The following ZBTB7C variants were observed in gnomAD, a reference collection of about 807,000 sequenced individuals.
The protein encoded by ZBTB7C is zinc finger and BTB domain-containing protein 7C.
A neutral mutation model predicts 25.7 loss-of-function variants in ZBTB7C; 8 were observed. The ratio of observed to expected loss-of-function variants is 0.31; its 90% CI spans 0.18 to 0.56. The LOEUF is 0.56. Ranked by LOEUF, ZBTB7C falls within the 20% of genes least tolerant of loss-of-function variation. ZBTB7C has a pLI of 0.91. For synonymous variants in ZBTB7C, 394 were observed against 369.0 expected (o/e 1.07, Z -0.78); for missense variants, 824 against 855.2 (o/e 0.96, Z 0.46).
chr18:48,389,460 G>GTTTT (rs1216276257), intron 1 of ZBTB7C, among the ~76,000 whole-genome samples: 7 of 108,236 alleles, frequency 6.5e-5, no homozygotes, highest in Admixed American at 8.8e-5. Flanking sequence ...ATGACTCTTG[G>GTTTT]ATTTTTTTTT....
intron 1 of ZBTB7C, among the ~76,000 whole-genome samples, chr18:48,349,474 A>G (rs760240560): frequency 7.5e-5 from 11 of 147,052 alleles, no homozygotes; most frequent in Non-Finnish European, 1.0e-4. Context: ...CACATTGACA[A>G]ATGAATAAAG....
chr18:48,112,310 C>T (rs1433385289), intron 3 of ZBTB7C, among the ~76,000 whole-genome samples: 4 of 132,082 alleles, frequency 3.0e-5, no homozygotes, highest in Non-Finnish European at 4.7e-5. Context: ...CCCACCCATC[C>T]TTCCTTCTTT....
chr18:48,035,973 G>A (rs1454418660), intron 4 of ZBTB7C, among the ~76,000 whole-genome samples: 1 of 152,248 alleles, frequency 6.6e-6, no homozygotes, highest in Non-Finnish European at 1.5e-5. Flanking sequence ...GCCTTTCCCA[G>A]GAGGAAAACG....
At chr18:48,116,888 G>T (rs1043374187) in intron 3 of ZBTB7C, among the ~76,000 whole-genome samples, 13 of 152,156 alleles carry the variant, frequency 8.5e-5, no homozygotes, top group African/African-American at 3.1e-4. Context: ...ATGAGTATAG[G>T]TCTGCCCTGT....
At chr18:48,167,146 C>T (rs1333357483) in intron 3 of ZBTB7C, among the ~76,000 whole-genome samples, 3 of 152,208 alleles carry the variant, frequency 2.0e-5, no homozygotes, top group Non-Finnish European at 4.4e-5. Context: ...CAGACCCTTC[C>T]TCCACCCTTC....
intron 2 of ZBTB7C, among the ~76,000 whole-genome samples, chr18:48,275,599 T>A (rs1184113112): frequency 2.0e-5 from 3 of 149,052 alleles, no homozygotes; most frequent in Admixed American, 1.3e-4. Flanking sequence ...TCAGGTCTCC[T>A]GACCCTCAAT....
intron 3 of ZBTB7C, among the ~76,000 whole-genome samples, chr18:48,161,713 C>CGCCCCGCCCCA (rs1312895139): frequency 6.6e-6 from 1 of 150,806 alleles, no homozygotes; most frequent in East Asian, 2.0e-4. Flanking sequence ...CCGGCCCGGG[C>CGCCCCGCCCCA]GCCCCGCCCC....
chr18:48,175,861 C>T (rs1178302258), intron 3 of ZBTB7C, among the ~76,000 whole-genome samples: 2 of 152,160 alleles, frequency 1.3e-5, no homozygotes, highest in African/African-American at 4.8e-5. Flanking sequence ...TAAATAAAAA[C>T]ATTCTGTTGC....
At chr18:48,297,656 T>C (rs775296309) in intron 2 of ZBTB7C, among the ~76,000 whole-genome samples, 1 of 152,166 alleles carries the variant, frequency 6.6e-6, no homozygotes, top group Non-Finnish European at 1.5e-5. Flanking sequence ...CTGCAGAACG[T>C]CTTAAACCTC....
chr18:48,084,639 T>C (rs2144508693), intron 3 of ZBTB7C, among the ~76,000 whole-genome samples: 1 of 152,258 alleles, frequency 6.6e-6, no homozygotes, highest in Middle Eastern at 3.4e-3. Flanking sequence ...TGGCTGGTGT[T>C]TACACAGATT....
At chr18:48,106,630 C>T (rs1161331582) in intron 3 of ZBTB7C, among the ~76,000 whole-genome samples, 1 of 152,058 alleles carries the variant, frequency 6.6e-6, no homozygotes. Flanking sequence ...TGAGTATCTA[C>T]AAGTGTCAAA....
chr18:48,071,289 G>A (rs188510482), intron 3 of ZBTB7C, among the ~76,000 whole-genome samples: 1 of 152,252 alleles, frequency 6.6e-6, no homozygotes, highest in East Asian at 1.9e-4. Context: ...ATAATTTTGA[G>A]TAAAGAAGCA....
At chr18:48,276,545 G>A (rs2044660978) in intron 2 of ZBTB7C, among the ~76,000 whole-genome samples, 1 of 117,834 alleles carries the variant, frequency 8.5e-6, no homozygotes, top group Non-Finnish European at 1.7e-5. Context: ...GTGAGAATAT[G>A]CGGTGTTTGG....
At chr18:48,311,480 C>T (rs1168936169) in intron 2 of ZBTB7C, among the ~76,000 whole-genome samples, 8 of 152,166 alleles carry the variant, frequency 5.3e-5, no homozygotes, top group Non-Finnish European at 1.0e-4. Flanking sequence ...TTTTGGTTGT[C>T]AGTAACTCGG....
At chr18:48,101,105 G>A (rs925116833) in intron 3 of ZBTB7C, among the ~76,000 whole-genome samples, 1 of 152,110 alleles carries the variant, frequency 6.6e-6, no homozygotes, top group Non-Finnish European at 1.5e-5. Context: ...GCCCAGCCCA[G>A]TCCCTGGCCT....
intron 1 of ZBTB7C, among the ~76,000 whole-genome samples, chr18:48,361,178 G>A (rs955343349): frequency 6.6e-6 from 1 of 152,128 alleles, no homozygotes. Flanking sequence ...ACAAGGCTTG[G>A]TGTCCAGAGA....
At chr18:48,128,941 T>C (rs1439433117) in intron 3 of ZBTB7C, among the ~76,000 whole-genome samples, 3 of 152,052 alleles carry the variant, frequency 2.0e-5, no homozygotes, top group Non-Finnish European at 4.4e-5. Flanking sequence ...GGGGACCATG[T>C]GGTAGTGAGT....
intron 1 of ZBTB7C, among the ~76,000 whole-genome samples, chr18:48,406,550 G>A (rs962902778): frequency 6.6e-6 from 1 of 152,136 alleles, no homozygotes; most frequent in Non-Finnish European, 1.5e-5. Context: ...AAAGTGAAAG[G>A]CATCGTAACA....
At chr18:48,095,062 A>T (rs780557606) in intron 3 of ZBTB7C, among the ~76,000 whole-genome samples, 3 of 151,932 alleles carry the variant, frequency 2.0e-5, no homozygotes, top group Non-Finnish European at 2.9e-5. Context: ...TGCTGCAAAA[A>T]TCTCCCCCAA....
Sources: allele counts gnomAD v4.1 joint callset (sites outside exome capture counted in the v4.1 genomes callset), GRCh38; gene constraint gnomAD v4.1.1; transcripts MANE v1.5; gene names NCBI Gene and HGNC (gene_info 2026-07-23, HGNC 2026-07-21).